Variants in CPT1A observed in about 807,000 individuals in gnomAD.
CPT1A encodes carnitine O-palmitoyltransferase 1, liver isoform.
Under a neutral mutation model 100.8 loss-of-function variants are expected in CPT1A, and 64 were observed. The observed-to-expected ratio is 0.63, with a 90% CI of 0.52 to 0.78. CPT1A has a LOEUF of 0.78. CPT1A is among the 30% of genes least tolerant of loss of function. The probability of loss-of-function intolerance (pLI) is 0.00; values close to 1 mark genes in which losing one functional copy is unlikely to be tolerated. For missense variants in CPT1A, 802 were observed against 1,034.1 expected, an observed-to-expected ratio of 0.78 and a Z score of 3.08; for synonymous variants, 363 against 396.0, an observed-to-expected ratio of 0.92 and a Z score of 0.99.
At chr11:68,837,018 G>T (rs887233526) in intron 1 of CPT1A, among the ~76,000 whole-genome samples, 3 of 152,120 alleles carry the variant, frequency 2.0e-5, no homozygotes, top group Non-Finnish European at 2.9e-5. Flanking sequence ...AAATTTCAGT[G>T]ATAGCATATG....
At chr11:68,829,312 T>G (rs1053115381) in intron 1 of CPT1A, among the ~76,000 whole-genome samples, 1 of 152,152 alleles carries the variant, frequency 6.6e-6, no homozygotes, top group Non-Finnish European at 1.5e-5. Flanking sequence ...TTAATCCACG[T>G]CACCCCAGGG....
chr11:68,810,639 G>A (rs1178513640), intron 3 of CPT1A, among the ~76,000 whole-genome samples: 1 of 152,184 alleles, frequency 6.6e-6, no homozygotes, highest in Non-Finnish European at 1.5e-5. Context: ...ACTTGCTCAA[G>A]CTGTCATCAG....
chr11:68,782,275 CT>C (rs1855334174), intron 10 of CPT1A, among the ~76,000 whole-genome samples: 1 of 152,188 alleles, frequency 6.6e-6, no homozygotes, highest in Admixed American at 6.5e-5. Context: ...TCCACGCTCC[CT>C]GACACACCCT....
chr11:68,793,508 G>A, intron 8 of CPT1A, 106 bp from the exon 9 acceptor site: 2 of 788,716 alleles, frequency 2.5e-6, no homozygotes, highest in South Asian at 2.9e-5. Flanking sequence ...CACTTTGGGA[G>A]GCTGAGGCGG....
chr11:68,838,101 A>G (rs892574890), intron 1 of CPT1A, among the ~76,000 whole-genome samples: 4 of 152,086 alleles, frequency 2.6e-5, no homozygotes, highest in Non-Finnish European at 2.9e-5. Flanking sequence ...TCCAATGCCT[A>G]ACCTATATCC....
chr11:68,771,483 T>C (rs1854988263), intron 14 of CPT1A, among the ~76,000 whole-genome samples: 1 of 152,224 alleles, frequency 6.6e-6, no homozygotes, highest in Admixed American at 6.5e-5. Flanking sequence ...GATTCTGAGA[T>C]GCGATGCCTC....
intron 3 of CPT1A, among the ~76,000 whole-genome samples, chr11:68,808,387 T>TC (rs1336988722): frequency 6.6e-6 from 1 of 151,794 alleles, no homozygotes; most frequent in Non-Finnish European, 1.5e-5. Context: ...TTTTTTTTTT[T>TC]CGAGACAAGA....
At chr11:68,834,127 G>A (rs1856950719) in intron 1 of CPT1A, among the ~76,000 whole-genome samples, 1 of 152,200 alleles carries the variant, frequency 6.6e-6, no homozygotes, top group African/African-American at 2.4e-5. Context: ...TCAATATAAT[G>A]GGTCGTCAGG....
chr11:68,825,528 AC>A (rs1856701459), intron 1 of CPT1A, among the ~76,000 whole-genome samples: 1 of 152,000 alleles, frequency 6.6e-6, no homozygotes, highest in Non-Finnish European at 1.5e-5. Flanking sequence ...AAGCCCCCTT[AC>A]CCCGTCCCCA....
In CPT1A at chr11:68,828,941, C is replaced by T. The variant is rs184735416; in HGVS notation, c.-14+12834G>A. Among the ~76,000 whole-genome samples the T allele has an allele frequency of 2.1e-3, 317 of 152,268 alleles. 7 individuals are homozygous for T. Among genetic ancestry groups the T allele is most frequent in the Admixed American group, 0.015 (228 of 15,300 alleles). ...CTTCTGAACTAGTAGGTGGCTCCCC[C>T]TGCACCCTGGGAGTCAGCCAGCCCC... On this transcript the variant is annotated intron_variant, in intron 1 of 18. Transcript: ENST00000265641.
At chr11:68,835,053 A>G (rs1856975380) in intron 1 of CPT1A, among the ~76,000 whole-genome samples, 1 of 152,228 alleles carries the variant, frequency 6.6e-6, no homozygotes, top group Non-Finnish European at 1.5e-5. Context: ...CACCACGTCA[A>G]TAAGTAATGG....
At chr11:68,793,210 G>A (rs771555303) in intron 9 of CPT1A, 105 bp downstream of exon 9, 23 of 742,980 alleles carry the variant, frequency 3.1e-5, no homozygotes, top group Non-Finnish European at 4.9e-5. Context: ...ACAATCTCAG[G>A]AAGGGTCAGC....
At chr11:68,798,744 G>C (rs951671981) in intron 6 of CPT1A, among the ~76,000 whole-genome samples, 3 of 152,306 alleles carry the variant, frequency 2.0e-5, no homozygotes, top group Admixed American at 2.0e-4. Flanking sequence ...CAGGTCTCTG[G>C]GGCAGCATGG....
chr11:68,820,494 C>A (rs1856553206), intron 1 of CPT1A, among the ~76,000 whole-genome samples: 1 of 151,866 alleles, frequency 6.6e-6, no homozygotes, highest in South Asian at 2.1e-4. Context: ...ACCAGCCTGG[C>A]CAACATGGCG....
chr11:68,805,235 G>C (rs1594354669), intron 4 of CPT1A, among the ~76,000 whole-genome samples: 1 of 152,124 alleles, frequency 6.6e-6, no homozygotes, highest in Non-Finnish European at 1.5e-5. Context: ...TGGATCGTTT[G>C]AGCCCAGGAG....
chr11:68,767,037 G>A (rs1404229006), intron 14 of CPT1A, among the ~76,000 whole-genome samples: 8 of 152,168 alleles, frequency 5.3e-5, no homozygotes, highest in East Asian at 3.9e-4. Context: ...TGTGAAAGCC[G>A]GGCATGGCCG....
Position 68,774,415 on chromosome 11 carries a change from CAAG to C in CPT1A, c.1575+898_1575+900del, listed in dbSNP as rs148233898. Among the ~76,000 whole-genome samples the C allele has an allele frequency of 2.7e-3, 412 of 152,002 alleles. 2 individuals carry two copies. Among genetic ancestry groups the C allele is most frequent in the African/African-American group, 9.6e-3 (398 of 41,510 alleles). The stretch of plus-strand genomic sequence containing the variant: ...GATGACGTCATCACACAGTGGCAAT[CAAG>C]AAACACATTTTTTTACTTTTTATTA... On this transcript the variant is annotated intron_variant, in intron 13 of 18. Coordinates refer to ENST00000265641, the MANE Select transcript of CPT1A (RefSeq NM_001876.4).
chr11:68,819,182 G>A (rs1204165027), intron 1 of CPT1A, among the ~76,000 whole-genome samples: 2 of 152,098 alleles, frequency 1.3e-5, no homozygotes, highest in Admixed American at 6.6e-5. Flanking sequence ...GGGTTCAAGC[G>A]ATTCTCATGC....
At chr11:68,774,497 C>A (rs1855087435) in intron 13 of CPT1A, among the ~76,000 whole-genome samples, 2 of 151,656 alleles carry the variant, frequency 1.3e-5, no homozygotes, top group South Asian at 4.2e-4. Flanking sequence ...GGCTGGAGTG[C>A]AGTGGCACCA....
Sources: gnomAD v4.1 joint callset for allele counts (sites outside exome capture counted in the v4.1 genomes callset) on GRCh38, gnomAD v4.1.1 for gene constraint, MANE v1.5 for transcripts, NCBI Gene and HGNC (gene_info 2026-07-23, HGNC 2026-07-21) for gene names.